The following NELL1 variants were observed in gnomAD, a reference collection of about 807,000 sequenced individuals.
NELL1 encodes the protein neural EGFL like 1, also known as protein kinase C-binding protein NELL1.
Under a neutral mutation model 107.4 loss-of-function variants are expected in NELL1, and 76 were observed. That is an observed-to-expected ratio of 0.71 (90% CI 0.59 to 0.86). The LOEUF (loss-of-function observed/expected upper bound fraction) is 0.86. Ranked by LOEUF, NELL1 falls within the 40% of genes least tolerant of loss-of-function variation. The pLI, the probability that NELL1 is intolerant of heterozygous loss-of-function variation, is 0.00. For missense variants in NELL1, 1,024 were observed against 1,005.5 expected (o/e 1.02, Z -0.25); for synonymous variants, 353 against 341.2 (o/e 1.03, Z -0.38).
chr11:21,403,419 A>G (rs761634215), intron 15 of NELL1, among the ~76,000 whole-genome samples: 3 of 151,724 alleles, frequency 2.0e-5, no homozygotes, highest in Non-Finnish European at 4.4e-5. Flanking sequence ...CATTATTGAA[A>G]AGTCCTGGAT....
At chr11:20,724,447 A>C (rs1413013051) in intron 2 of NELL1, among the ~76,000 whole-genome samples, 3 of 152,164 alleles carry the variant, frequency 2.0e-5, no homozygotes, top group South Asian at 2.1e-4. Context: ...CGCTGGTTAG[A>C]AATTTCTTCC....
chr11:21,170,189 AT>A (rs2133811073), intron 13 of NELL1: 1 of 570,440 alleles, frequency 1.8e-6, no homozygotes, highest in East Asian at 3.0e-5. Context: ...AATTAGAATA[AT>A]CCCAAAACTC....
chr11:21,547,620 A>G (rs1856475739), intron 16 of NELL1, among the ~76,000 whole-genome samples: 2 of 151,746 alleles, frequency 1.3e-5, no homozygotes, highest in Non-Finnish European at 2.9e-5. Flanking sequence ...AATTTCAGAT[A>G]CTCTATCATA....
At chr11:20,743,698 G>T (rs182238715) in intron 2 of NELL1, among the ~76,000 whole-genome samples, 2 of 152,074 alleles carry the variant, frequency 1.3e-5, no homozygotes, top group East Asian at 1.9e-4. Flanking sequence ...TTCAAATATT[G>T]CTCTGAGCTC....
chr11:20,702,077 T>C (rs1028368765), intron 2 of NELL1, among the ~76,000 whole-genome samples: 2 of 152,168 alleles, frequency 1.3e-5, no homozygotes, highest in Non-Finnish European at 1.5e-5. Flanking sequence ...GGGGATGGCA[T>C]TGAATCTATA....
At position 21,419,995 on chromosome 11, in the gene NELL1, C is replaced by T. The variant is rs573881861; in HGVS notation, c.1645+49047C>T. On this transcript the variant is annotated intron_variant, in intron 15 of 19. Transcript: ENST00000357134. ...TGCTTGCTGAGTTCATCTTATCTGC[C>T]TCTGTGTTCCCATATTACACTTGCC... Among the ~76,000 whole-genome samples the T allele has an allele frequency of 8.6e-5, 13 of 151,974 alleles. No individual in the cohort carries two copies. In the South Asian group the frequency reaches 2.7e-3, roughly 32 times the overall value.
At chr11:21,037,199 A>C (rs2134325691) in intron 12 of NELL1, among the ~76,000 whole-genome samples, 1 of 151,832 alleles carries the variant, frequency 6.6e-6, no homozygotes, top group African/African-American at 2.4e-5. Context: ...AATGTGGCTA[A>C]TGTGAGAAGC....
intron 14 of NELL1, among the ~76,000 whole-genome samples, chr11:21,318,449 G>A (rs1236455006): frequency 3.3e-5 from 5 of 152,072 alleles, no homozygotes; most frequent in Admixed American, 3.3e-4. Context: ...TCTTTCCAAA[G>A]TTGCTACCTT....
chr11:21,482,750 T>TAA (rs545059568), intron 15 of NELL1, among the ~76,000 whole-genome samples: 289 of 137,762 alleles, frequency 2.1e-3, no homozygotes, highest in African/African-American at 7.1e-3. Context: ...CTGGAGAGCT[T>TAA]AAAAAAAAAA....
At chr11:21,391,798 C>CT (rs150645173) in intron 15 of NELL1, among the ~76,000 whole-genome samples, 12,471 of 151,734 alleles carry the variant, frequency 0.082, 660 homozygotes, top group East Asian at 0.13. Flanking sequence ...GCATTTTTCC[C>CT]TTATCTTCAC....
At chr11:21,455,965 T>C (rs1853719808) in intron 15 of NELL1, among the ~76,000 whole-genome samples, 1 of 76,422 alleles carries the variant, frequency 1.3e-5, no homozygotes, top group African/African-American at 5.7e-5. Context: ...CTCGGCTCAC[T>C]ACAACCTCTG....
intron 13 of NELL1, among the ~76,000 whole-genome samples, chr11:21,163,244 A>G (rs1348354236): frequency 1.3e-5 from 2 of 152,226 alleles, no homozygotes; most frequent in African/African-American, 2.4e-5. Context: ...GACTCAGGTC[A>G]TAATGGGGTT....
At chr11:21,200,914 C>G (rs1034192006) in intron 13 of NELL1, among the ~76,000 whole-genome samples, 1 of 151,804 alleles carries the variant, frequency 6.6e-6, no homozygotes. Context: ...TTGCTTTTGT[C>G]AGGTTTATCA....
At chr11:21,222,750 G>A (rs944720924) in intron 13 of NELL1, among the ~76,000 whole-genome samples, 1 of 151,988 alleles carries the variant, frequency 6.6e-6, no homozygotes, top group Non-Finnish European at 1.5e-5. Flanking sequence ...TTTGTTTCAA[G>A]AATTTTTATG....
intron 15 of NELL1, among the ~76,000 whole-genome samples, chr11:21,392,131 C>T (rs1851892767): frequency 6.6e-6 from 1 of 151,802 alleles, no homozygotes; most frequent in South Asian, 2.1e-4. Context: ...AGTATTTCTG[C>T]TCTCAACTAT....
At chr11:21,228,827 C>G (rs534088219) in intron 13 of NELL1, among the ~76,000 whole-genome samples, 22 of 150,058 alleles carry the variant, frequency 1.5e-4, no homozygotes, top group Admixed American at 7.3e-4. Flanking sequence ...GCATTGTGGA[C>G]ATTTTAGGCT....
At chr11:21,520,047 A>T (rs537019651) in intron 15 of NELL1, among the ~76,000 whole-genome samples, 16 of 152,204 alleles carry the variant, frequency 1.1e-4, no homozygotes, top group Admixed American at 2.0e-4. Context: ...GAGAAGAGAG[A>T]TATGGAAGGT....
intron 12 of NELL1, among the ~76,000 whole-genome samples, chr11:21,113,205 C>A (rs1855147109): frequency 6.6e-6 from 1 of 151,834 alleles, no homozygotes; most frequent in Non-Finnish European, 1.5e-5. Context: ...TCCCTTGATC[C>A]CTCTGATAAA....
chr11:21,389,994 T>C (rs1217647198), intron 15 of NELL1, among the ~76,000 whole-genome samples: 2 of 151,958 alleles, frequency 1.3e-5, no homozygotes, highest in East Asian at 3.9e-4. Flanking sequence ...TTTCCCAAAG[T>C]TGTTATACCC....
Sources: allele counts gnomAD v4.1 joint callset (sites outside exome capture counted in the v4.1 genomes callset), GRCh38; gene constraint gnomAD v4.1.1; transcripts MANE v1.5; gene names NCBI Gene and HGNC (gene_info 2026-07-23, HGNC 2026-07-21).